CNTN4: variants seen among roughly 807,000 people sequenced by gnomAD.
The protein encoded by CNTN4 is contactin 4.
Under a neutral mutation model 122.5 loss-of-function variants are expected in CNTN4, and 77 were observed. The observed-to-expected ratio is 0.63, with a 90% CI of 0.52 to 0.76. The LOEUF (loss-of-function observed/expected upper bound fraction) is 0.76. Among genes scored for constraint, CNTN4 ranks in the 30% least tolerant of loss-of-function variants. CNTN4 has a pLI of 0.00. For missense variants in CNTN4, 1,256 were observed against 1,259.1 expected, an observed-to-expected ratio of 1.00 and a Z score of 0.04; for synonymous variants, 512 against 447.0, an observed-to-expected ratio of 1.15 and a Z score of -1.83.
intron 13 of CNTN4, among the ~76,000 whole-genome samples, chr3:2,954,931 C>T (rs950447667): frequency 1.3e-5 from 2 of 152,068 alleles, no homozygotes; most frequent in African/African-American, 4.8e-5. Flanking sequence ...TAATGTTTAA[C>T]CGTAGTCTCA....
intron 3 of CNTN4, among the ~76,000 whole-genome samples, chr3:2,368,008 C>G (rs1360660566): frequency 2.0e-5 from 3 of 150,166 alleles, no homozygotes; most frequent in African/African-American, 7.4e-5. Flanking sequence ...AGCACTTTAT[C>G]CAAATACAGC....
At chr3:2,230,319 C>T (rs1029330500) in intron 2 of CNTN4, among the ~76,000 whole-genome samples, 1 of 152,132 alleles carries the variant, frequency 6.6e-6, no homozygotes, top group Non-Finnish European at 1.5e-5. Flanking sequence ...CTCATATATA[C>T]CTTGCGTGAT....
intron 3 of CNTN4, among the ~76,000 whole-genome samples, chr3:2,503,264 T>G (rs1175932396): frequency 3.3e-5 from 5 of 152,080 alleles, no homozygotes; most frequent in African/African-American, 1.2e-4. Flanking sequence ...TGGATAGGAT[T>G]GAGGGATGCA....
At chr3:2,460,219 C>G (rs1314055625) in intron 3 of CNTN4, among the ~76,000 whole-genome samples, 4 of 152,134 alleles carry the variant, frequency 2.6e-5, no homozygotes. Flanking sequence ...ATGCTCTTTT[C>G]TGGTATCCCT....
chr3:2,246,499 A>G (rs2040157209), intron 2 of CNTN4, among the ~76,000 whole-genome samples: 1 of 152,034 alleles, frequency 6.6e-6, no homozygotes, highest in African/African-American at 2.4e-5. Flanking sequence ...ATGCTGGCCC[A>G]TAGCTGTGCT....
At chr3:2,977,447 A>T (rs1459978328) in intron 13 of CNTN4, among the ~76,000 whole-genome samples, 1 of 152,014 alleles carries the variant, frequency 6.6e-6, no homozygotes, top group Non-Finnish European at 1.5e-5. Context: ...CTGGACTTTT[A>T]TTCTTTGATA....
intron 12 of CNTN4, among the ~76,000 whole-genome samples, chr3:2,920,129 T>C (rs1489122396): frequency 2.6e-5 from 4 of 151,762 alleles, no homozygotes; most frequent in African/African-American, 9.7e-5. Context: ...CATACCAGCA[T>C]GTAATACTCA....
At chr3:2,131,883 G>A (rs1020704648) in intron 2 of CNTN4, among the ~76,000 whole-genome samples, 11 of 152,114 alleles carry the variant, frequency 7.2e-5, no homozygotes, top group Admixed American at 7.2e-4. Flanking sequence ...TAATCTGAGA[G>A]CAACAGTACA....
At chr3:2,724,533 C>A (rs1033080101) in intron 4 of CNTN4, among the ~76,000 whole-genome samples, 1 of 152,192 alleles carries the variant, frequency 6.6e-6, no homozygotes, top group African/African-American at 2.4e-5. Flanking sequence ...CTCCCTTTCA[C>A]GCTTCCTAGT....
intron 3 of CNTN4, among the ~76,000 whole-genome samples, chr3:2,350,757 T>C (rs2044580419): frequency 6.6e-6 from 1 of 152,188 alleles, no homozygotes; most frequent in African/African-American, 2.4e-5. Context: ...TCAGGAACTA[T>C]CTAAATGACT....
intron 2 of CNTN4, among the ~76,000 whole-genome samples, chr3:2,274,058 G>A (rs1190220349): frequency 6.6e-6 from 1 of 152,060 alleles, no homozygotes; most frequent in Non-Finnish European, 1.5e-5. Flanking sequence ...ATCTACAGAG[G>A]TTCATGTCAT....
chr3:2,971,274 C>T (rs990501085), intron 13 of CNTN4, among the ~76,000 whole-genome samples: 2 of 152,136 alleles, frequency 1.3e-5, no homozygotes, highest in African/African-American at 2.4e-5. Flanking sequence ...AGTTCAGACC[C>T]GTGTATTTCA....
intron 6 of CNTN4, among the ~76,000 whole-genome samples, chr3:2,750,274 A>C (rs1360906425): frequency 6.6e-6 from 1 of 152,246 alleles, no homozygotes; most frequent in African/African-American, 2.4e-5. Context: ...TACAATTTTC[A>C]AATCTCATTT....
intron 2 of CNTN4, among the ~76,000 whole-genome samples, chr3:2,245,431 C>G (rs1177287936): frequency 6.6e-6 from 1 of 151,938 alleles, no homozygotes; most frequent in East Asian, 1.9e-4. Flanking sequence ...TTCATAGATT[C>G]TCAGGTGATT....
At chr3:2,398,866 A>G (rs1401473715) in intron 3 of CNTN4, among the ~76,000 whole-genome samples, 1 of 152,060 alleles carries the variant, frequency 6.6e-6, no homozygotes, top group Non-Finnish European at 1.5e-5. Flanking sequence ...TTTACCAGAG[A>G]TTTGAATTAT....
intron 13 of CNTN4, among the ~76,000 whole-genome samples, chr3:2,983,039 C>A (rs903229274): frequency 2.0e-5 from 3 of 151,178 alleles, no homozygotes; most frequent in Non-Finnish European, 4.4e-5. Flanking sequence ...ACGGTGAAAA[C>A]CTGTCTCTAC....
At chr3:2,855,124 A>G (rs2093604550) in intron 7 of CNTN4, among the ~76,000 whole-genome samples, 1 of 152,182 alleles carries the variant, frequency 6.6e-6, no homozygotes, top group Non-Finnish European at 1.5e-5. Context: ...GGGGTTAAAT[A>G]CTGTGGCATA....
intron 6 of CNTN4, among the ~76,000 whole-genome samples, chr3:2,798,389 C>CTATCTATCTATCTATA (rs1475084704): frequency 1.3e-5 from 2 of 150,784 alleles, no homozygotes; most frequent in South Asian, 2.1e-4. Flanking sequence ...ATCTATCTAT[C>CTATCTATCTATCTATA]TATATATCTA....
At chr3:3,029,347 T>C (rs531615446) in intron 15 of CNTN4, among the ~76,000 whole-genome samples, 64 of 152,332 alleles carry the variant, frequency 4.2e-4, no homozygotes, top group African/African-American at 1.5e-3. Context: ...ATAATCTCAT[T>C]TGATTTTCAC....
Sources: allele counts gnomAD v4.1 joint callset (sites outside exome capture counted in the v4.1 genomes callset), GRCh38; gene constraint gnomAD v4.1.1; transcripts MANE v1.5; gene names NCBI Gene and HGNC (gene_info 2026-07-23, HGNC 2026-07-21).